The following RNF13 variants were observed in gnomAD, a reference collection of about 807,000 sequenced individuals.
The protein encoded by RNF13 is E3 ubiquitin-protein ligase RNF13.
RNF13 carries 19 observed loss-of-function variants against 37.7 expected under a neutral mutation model. The observed-to-expected ratio is 0.50, with a 90% confidence interval of 0.35 to 0.74. The LOEUF (loss-of-function observed/expected upper bound fraction) is 0.74. Ranked by LOEUF, RNF13 falls within the 30% of genes least tolerant of loss-of-function variation. The pLI, the probability that RNF13 is intolerant of heterozygous loss-of-function variation, is 0.01. For missense variants in RNF13, 375 were observed against 453.0 expected (o/e 0.83, Z 1.56); for synonymous variants, 144 against 157.8 (o/e 0.91, Z 0.65).
In RNF13 at chr3:149,933,329, C is replaced by T. The variant is rs186352100; in HGVS notation, c.700+12102C>T. Among the ~76,000 whole-genome samples the T allele has an allele frequency of 9.8e-4, 144 of 146,726 alleles. 1 individual carries two copies. In the Middle Eastern group the frequency reaches 0.015, roughly 15 times the overall value. ...CTCTTTTTTAGTAATGCTAATCTAT[C>T]TAGCAAGTGGTTGGTTCACAGCCCA... is the stretch of plus-strand genomic sequence containing the variant. On this transcript the variant is annotated intron_variant, in intron 8 of 9. Coordinates refer to ENST00000392894, the MANE Select transcript of RNF13 (RefSeq NM_183381.3).
intron 7 of RNF13, among the ~76,000 whole-genome samples, chr3:149,914,651 G>A (rs1037867786): frequency 3.3e-5 from 5 of 151,898 alleles, no homozygotes; most frequent in Non-Finnish European, 5.9e-5. Flanking sequence ...CAAGAACAGC[G>A]GGGCCGGGTG....
At chr3:149,880,557 T>TA (rs1404340358) in intron 4 of RNF13, among the ~76,000 whole-genome samples, 1 of 152,176 alleles carries the variant, frequency 6.6e-6, no homozygotes, top group African/African-American at 2.4e-5. Context: ...AGTTTTAACT[T>TA]ATAGCAAGCA....
chr3:149,935,885 C>T (rs1719621625), intron 8 of RNF13, among the ~76,000 whole-genome samples: 1 of 152,076 alleles, frequency 6.6e-6, no homozygotes, highest in African/African-American at 2.4e-5. Flanking sequence ...ATGTTAGTGT[C>T]CTTTTGTTCC....
intron 4 of RNF13, among the ~76,000 whole-genome samples, chr3:149,884,912 C>T (rs576482471): frequency 6.6e-6 from 1 of 151,972 alleles, no homozygotes; most frequent in South Asian, 2.1e-4. Context: ...CCCCACTACA[C>T]TACTCTCTTA....
chr3:149,930,565 A>T (rs1410312935), intron 8 of RNF13, among the ~76,000 whole-genome samples: 1 of 152,172 alleles, frequency 6.6e-6, no homozygotes, highest in East Asian at 1.9e-4. Flanking sequence ...AGATTTGGAT[A>T]ATAACTGGCT....
chr3:149,960,649 A>G, intron 9 of RNF13, 91 bp from the exon 10 acceptor site: 6 of 1,308,810 alleles, frequency 4.6e-6, no homozygotes, highest in Non-Finnish European at 6.3e-6. Flanking sequence ...TACATGATAC[A>G]TACAGAACAC....
chr3:149,877,601 C>T (rs187715826), intron 4 of RNF13, among the ~76,000 whole-genome samples: 29 of 151,572 alleles, frequency 1.9e-4, no homozygotes, highest in Non-Finnish European at 3.4e-4. Context: ...TTACTTGTCC[C>T]CAGAACATAC....
intron 8 of RNF13, among the ~76,000 whole-genome samples, chr3:149,958,163 TAAC>T (rs1722040991): frequency 6.6e-6 from 1 of 152,218 alleles, no homozygotes; most frequent in Non-Finnish European, 1.5e-5. Flanking sequence ...ATTTATTTGA[TAAC>T]AAATCAACAA....
chr3:149,888,875 T>C (rs991142029), intron 4 of RNF13, among the ~76,000 whole-genome samples: 6 of 152,208 alleles, frequency 3.9e-5, no homozygotes, highest in African/African-American at 1.4e-4. Flanking sequence ...TTGAAGATTA[T>C]AGGAAATGTA....
chr3:149,936,713 G>A (rs371996093), intron 8 of RNF13, among the ~76,000 whole-genome samples: 3 of 152,184 alleles, frequency 2.0e-5, no homozygotes, highest in Non-Finnish European at 4.4e-5. Flanking sequence ...CAGGTTGGTA[G>A]GGTGTCACTG....
At chr3:149,896,501 T>G (rs1170890376) in intron 5 of RNF13, among the ~76,000 whole-genome samples, 2 of 151,624 alleles carry the variant, frequency 1.3e-5, no homozygotes, top group Non-Finnish European at 2.9e-5. Flanking sequence ...TTTTTTGAGA[T>G]GGAGTTTCAC....
chr3:149,826,068 C>G (rs1411559917), intron 1 of RNF13, among the ~76,000 whole-genome samples: 1 of 152,166 alleles, frequency 6.6e-6, no homozygotes, highest in African/African-American at 2.4e-5. Flanking sequence ...TACTGGTACA[C>G]AATTGGTGTC....
chr3:149,835,857 C>A (rs11711148), intron 1 of RNF13, among the ~76,000 whole-genome samples: 10 of 151,056 alleles, frequency 6.6e-5, no homozygotes, highest in African/African-American at 2.4e-4. Context: ...ATTGCTGGAT[C>A]CCCAGTACTG....
intron 5 of RNF13, 74 bp downstream of exon 5, chr3:149,895,634 T>C (rs1715177848): frequency 2.0e-6 from 2 of 1,006,016 alleles, no homozygotes; most frequent in East Asian, 2.6e-5. Flanking sequence ...AGGATTTTCC[T>C]TCTCTCATTT....
At chr3:149,939,379 G>T in intron 8 of RNF13, 1 of 490,460 alleles carries the variant, frequency 2.0e-6, no homozygotes, top group African/African-American at 2.0e-5. Flanking sequence ...GGGGCAGATC[G>T]CTTTCCAGAT....
intron 3 of RNF13, among the ~76,000 whole-genome samples, chr3:149,867,960 A>T (rs1711545758): frequency 6.6e-6 from 1 of 151,792 alleles, no homozygotes; most frequent in South Asian, 2.1e-4. Flanking sequence ...TGTCATTACT[A>T]TGAGGCTTAC....
chr3:149,929,643 C>A (rs1718978123), intron 8 of RNF13, among the ~76,000 whole-genome samples: 3 of 152,124 alleles, frequency 2.0e-5, no homozygotes, highest in Admixed American at 2.0e-4. Flanking sequence ...TGCAGTACTT[C>A]ACCAGTGAGT....
chr3:149,895,386 C>T, intron 4 of RNF13, 87 bp from the exon 5 acceptor site: 1 of 765,500 alleles, frequency 1.3e-6, no homozygotes, highest in Non-Finnish European at 2.1e-6. Flanking sequence ...CTTTTATTTA[C>T]TTCAGTAAGT....
At chr3:149,955,791 A>C (rs1406627122) in intron 8 of RNF13, among the ~76,000 whole-genome samples, 1 of 152,158 alleles carries the variant, frequency 6.6e-6, no homozygotes, top group Non-Finnish European at 1.5e-5. Flanking sequence ...ACTTTGAGGA[A>C]ACCTATTCTT....
Sources: gnomAD v4.1 joint callset for allele counts (sites outside exome capture counted in the v4.1 genomes callset) on GRCh38, gnomAD v4.1.1 for gene constraint, MANE v1.5 for transcripts, NCBI Gene and HGNC (gene_info 2026-07-23, HGNC 2026-07-21) for gene names.